The following RAI1 variants were observed in gnomAD, a reference collection of about 807,000 sequenced individuals.
RAI1 encodes the protein retinoic acid-induced protein 1.
In RAI1, 9 loss-of-function variants were observed where a neutral mutation model predicts 123.8. The observed-to-expected ratio is 0.07, with a 90% CI of 0.04 to 0.13. The LOEUF (loss-of-function observed/expected upper bound fraction) is 0.13. RAI1 is among the 10% of genes least tolerant of loss of function. RAI1 has a pLI of 1.00. For synonymous variants in RAI1, 1,231 were observed against 1,127.3 expected, an observed-to-expected ratio of 1.09 and a Z score of -1.84; for missense variants, 2,256 against 2,545.8, an observed-to-expected ratio of 0.89 and a Z score of 2.45.
Position 17,793,873 on chromosome 17 carries a change from G to A in RAI1, c.925G>A (p.Ala309Thr), listed in dbSNP as rs542056789. ...AQETLHYQNL[A>T]KYQHYGQQGQ... ...GGAAACCCTCCATTACCAAAACCTC[G>A]CCAAGTATCAGCACTACGGGCAGCA... is the stretch of plus-strand genomic sequence containing the variant. The change falls in exon 3 of 6, where the codon GCC becomes ACC. Residue 309 changes from alanine (A) to threonine (T), a missense_variant. By Grantham distance (58) the Ala-to-Thr change is moderately conservative. This residue lies in a region of RAI1 where 357 missense variants were observed against 480.2 expected (regional missense o/e 0.74). Transcript: ENST00000353383. The A allele has an allele frequency of 2.5e-5, 40 of 1,613,582 alleles. 2 individuals are homozygous for A. The highest frequency in any genetic ancestry group is 8.8e-5 in the South Asian group (8 of 91,080).
intron 2 of RAI1, among the ~76,000 whole-genome samples, chr17:17,750,275 C>T (rs59593279): frequency 0.011 from 1,678 of 152,326 alleles, 41 homozygotes; most frequent in African/African-American, 0.038. Context: ...CAACCGTTAC[C>T]GAGTCCTTGT....
chr17:17,738,169 G>T (rs1048956272), intron 2 of RAI1, among the ~76,000 whole-genome samples: 8 of 152,068 alleles, frequency 5.3e-5, no homozygotes, highest in Non-Finnish European at 1.0e-4. Flanking sequence ...GCCATGGGAA[G>T]GTTGGGCCTC....
chr17:17,777,848 T>A (rs1308126015), intron 2 of RAI1: 5 of 152,304 alleles, frequency 3.3e-5, no homozygotes, highest in Admixed American at 1.3e-4. Context: ...GAACAAATGC[T>A]GAATGGAGAG....
intron 2 of RAI1, among the ~76,000 whole-genome samples, chr17:17,761,984 C>T (rs114534071): frequency 1.3e-5 from 2 of 152,186 alleles, no homozygotes; most frequent in African/African-American, 4.8e-5. Flanking sequence ...CCAGAAGTTC[C>T]TGAGTGTGAG....
chr17:17,778,681 G>C (rs1018853050), intron 2 of RAI1: 3 of 456,116 alleles, frequency 6.6e-6, no homozygotes, highest in Non-Finnish European at 1.3e-5. Flanking sequence ...TGGCTGTGGT[G>C]AATCTGACCT....
chr17:17,793,316 C>T lies in RAI1; in HGVS notation c.368C>T (p.Ala123Val). The T allele has an allele frequency of 1.2e-6, 2 of 1,612,390 alleles. No individual in the cohort carries two copies. Among genetic ancestry groups the T allele is most frequent in the Non-Finnish European group, 1.7e-6 (2 of 1,179,696 alleles). Residue 123 changes from alanine (A) to valine (V), a missense_variant, in exon 3 of 6, where the codon GCC becomes GTC. By Grantham distance (64) the Ala-to-Val change is moderately conservative (BLOSUM62 0). This residue lies in a region of RAI1 where 336 missense variants were observed against 349.8 expected (regional missense o/e 0.96). Coordinates refer to ENST00000353383, the MANE Select transcript of RAI1 (RefSeq NM_030665.4). ...AGEESLQAWG[A>V]PQPPPPQPQP... ...GAGGAGAGCCTTCAGGCTTGGGGGGCCCCACAGCCACCACCCCCACAGCCG... is the reference window on the plus strand; with the variant it reads ...GAGGAGAGCCTTCAGGCTTGGGGGGTCCCACAGCCACCACCCCCACAGCCG...
chr17:17,781,189 G>A (rs144372166), intron 2 of RAI1, among the ~76,000 whole-genome samples: 1 of 152,292 alleles, frequency 6.6e-6, no homozygotes, highest in East Asian at 1.9e-4. Context: ...GGCAGCTCCT[G>A]GCGGCTGGAA....
In RAI1 at chr17:17,715,547, G is replaced by A. The variant is rs561815633; in HGVS notation, c.-148-8481G>A. 1.1e-4 allele frequency among the ~76,000 whole-genome samples: 17 copies of A among 152,352 alleles called. 1 individual carries two copies. The South Asian group carries it at 3.5e-3, about 32-fold the overall frequency. ...CTGGGATGACACCAGACCGGGAGGA[G>A]AAGTGCGAGGAGTGGTGTGGTCATT... On this transcript the variant is annotated intron_variant, in intron 1 of 5. Transcript: ENST00000353383.
Position 17,701,929 on chromosome 17 carries a change from C to T in RAI1, c.-149+20136C>T, listed in dbSNP as rs73981027. Among the ~76,000 whole-genome samples, 1,048 of 152,346 alleles carry T rather than the reference C, an allele frequency of 6.9e-3. 12 individuals are homozygous for T. Among genetic ancestry groups the T allele is most frequent in the African/African-American group, 0.022 (907 of 41,576 alleles). On this transcript the variant is annotated intron_variant, in intron 1 of 5. Transcript: ENST00000353383. The stretch of plus-strand genomic sequence containing the variant: ...GGGAGTCAGACTTGGGCTCTGCCCT[C>T]CAAGGACTCCAGTCGGGGAGGCAGC...
chr17:17,797,143 T>C lies in RAI1; in HGVS notation c.4195T>C (p.Leu1399=). Residue 1399 remains leucine, a synonymous_variant, in exon 3 of 6, where the codon TTA becomes CTA. Transcript: ENST00000353383. ...GCTCCCAACTTCTGGGGCTGATCCG[T>C]TATGCAGAAATCCAACCAACAGATC... ...QKLPTSGADP[L]CRNPTNRSLK... 1 of 1,613,962 alleles carries C rather than the reference T, an allele frequency of 6.2e-7. No individual in the cohort carries two copies. The highest frequency in any genetic ancestry group is 8.5e-7 in the Non-Finnish European group (1 of 1,180,020).
intron 2 of RAI1, among the ~76,000 whole-genome samples, chr17:17,769,561 C>G (rs1460924453): frequency 1.3e-5 from 2 of 152,206 alleles, no homozygotes; most frequent in African/African-American, 4.8e-5. Flanking sequence ...AGGGCAGAGG[C>G]TAGGGACGAG....
At chr17:17,704,858 T>G (rs1915344656) in intron 1 of RAI1, among the ~76,000 whole-genome samples, 1 of 87,656 alleles carries the variant, frequency 1.1e-5, no homozygotes. Flanking sequence ...CCTGGTGGTT[T>G]TTGGGTGGGG....
chr17:17,703,832 C>G (rs1915309413), intron 1 of RAI1, among the ~76,000 whole-genome samples: 1 of 152,198 alleles, frequency 6.6e-6, no homozygotes, highest in Non-Finnish European at 1.5e-5. Context: ...TCCACCAACC[C>G]CTTTTCTTTT....
chr17:17,775,519 G>A (rs943696442), intron 2 of RAI1, among the ~76,000 whole-genome samples: 1 of 86,880 alleles, frequency 1.2e-5, no homozygotes, highest in South Asian at 2.5e-4. Context: ...TGTAACTTTC[G>A]ACTCCCCAGT....
rs55963067 is a variant in RAI1 at position 17,795,944 on chromosome 17, G to A, written c.2996G>A (p.Arg999Gln). 38 of 1,606,688 alleles carry A rather than the reference G, an allele frequency of 2.4e-5. No individual in the cohort carries two copies. In the East Asian group the frequency reaches 2.5e-4, roughly 10 times the overall value. Residue 999 changes from arginine to glutamine, a missense_variant, in exon 3 of 6, where the codon CGG (arginine) becomes CAG (glutamine). Coordinates refer to ENST00000353383, the MANE Select transcript of RAI1 (RefSeq NM_030665.4). The surrounding 1 kb of genome is among the most constrained non-coding windows in gnomAD (Gnocchi z 5.9). Reference protein sequence around the residue: ...KEPVPRGKSLRSRRVHRGLPE... With the variant: ...KEPVPRGKSLQSRRVHRGLPE... ...CCTGTGCCACGGGGCAAAAGCTTACGGAGCCGTCGGGTGCACCGGGGGCTG... is the reference window on the plus strand; with the variant it reads ...CCTGTGCCACGGGGCAAAAGCTTACAGAGCCGTCGGGTGCACCGGGGGCTG...
intron 2 of RAI1, among the ~76,000 whole-genome samples, chr17:17,792,016 G>A (rs1026363210): frequency 6.6e-6 from 1 of 152,182 alleles, no homozygotes; most frequent in Non-Finnish European, 1.5e-5. Context: ...GGCCAGGAGG[G>A]GACAGGGCTG....
chr17:17,690,468 G>A lies in RAI1; in HGVS notation c.-149+8675G>A, dbSNP rs562366811. Among the ~76,000 whole-genome samples the A allele has an allele frequency of 4.6e-5, 7 of 152,094 alleles. No individual in the cohort carries two copies. In the South Asian group the frequency reaches 1.2e-3, roughly 27 times the overall value. ...CCTGATTGAGGACTCCTCACCAGCCGGAGGCAGCAGGACTGCCTGCCTCTG... is the reference window on the plus strand; with the variant it reads ...CCTGATTGAGGACTCCTCACCAGCCAGAGGCAGCAGGACTGCCTGCCTCTG... On this transcript the variant is annotated intron_variant, in intron 1 of 5. Coordinates refer to ENST00000353383, the MANE Select transcript of RAI1 (RefSeq NM_030665.4).
At chr17:17,790,827 C>T (rs1598084700) in intron 2 of RAI1, among the ~76,000 whole-genome samples, 1 of 152,290 alleles carries the variant, frequency 6.6e-6, no homozygotes, top group African/African-American at 2.4e-5. Context: ...GTGCCCTCGG[C>T]CTGGGCACAG....
At chr17:17,803,655 G>C in intron 3 of RAI1, 101 bp from the exon 4 acceptor site, 1 of 1,112,682 alleles carries the variant, frequency 9.0e-7, no homozygotes, top group Non-Finnish European at 1.4e-6. Flanking sequence ...CAGAGTGCTG[G>C]GATTACAGGC....
Sources: allele counts gnomAD v4.1 joint callset (sites outside exome capture counted in the v4.1 genomes callset), GRCh38; gene constraint gnomAD v4.1.1; regional missense constraint gnomAD v4.1.1; non-coding constraint Gnocchi (gnomAD v3.1); transcripts MANE v1.5; gene names NCBI Gene and HGNC (gene_info 2026-07-23, HGNC 2026-07-21).